MRPL45: variants seen among roughly 807,000 people sequenced by gnomAD.
MRPL45 encodes the protein mitochondrial ribosomal protein L45, also known as large ribosomal subunit protein mL45.
In MRPL45, 20 loss-of-function variants were observed where a neutral mutation model predicts 38.1. The ratio of observed to expected loss-of-function variants is 0.53; its 90% CI spans 0.37 to 0.76. The LOEUF is 0.76. Ranked by LOEUF, MRPL45 falls within the 30% of genes least tolerant of loss-of-function variation. The pLI is 0.00. For missense variants in MRPL45, 337 were observed against 395.6 expected (o/e 0.85, Z 1.26); for synonymous variants, 105 against 128.8 (o/e 0.82, Z 1.25).
At position 38,318,640 on chromosome 17, in the gene MRPL45, G is replaced by T. The variant is rs1182114206; in HGVS notation, c.462-47G>T. The T allele has an allele frequency of 3.7e-6, 5 of 1,360,448 alleles. No homozygotes were observed. The Admixed American group carries it at 5.1e-5, about 14-fold the overall frequency. The allele number at this position is 1,360,448 out of a possible 1,614,324, so 84.3% of individuals were successfully genotyped here. A position where few individuals can be genotyped will look rare whatever the true frequency, so the allele number is the denominator to read the frequency against. On this transcript the variant is annotated intron_variant, in intron 4 of 7. Coordinates refer to ENST00000613675, the MANE Select transcript of MRPL45 (RefSeq NM_032351.6). ...GGACCATTTTCAGTCTTCATACAGG[G>T]TATTATAAGAGCAATAGTCAATGAT...
At chr17:38,313,725 C>A (rs548983917) in intron 4 of MRPL45, among the ~76,000 whole-genome samples, 1 of 151,068 alleles carries the variant, frequency 6.6e-6, no homozygotes, top group African/African-American at 2.4e-5. Flanking sequence ...TGCAGTGGCA[C>A]GATCTCGGCT....
chr17:38,317,047 T>C (rs898368540), intron 4 of MRPL45, among the ~76,000 whole-genome samples: 2 of 152,136 alleles, frequency 1.3e-5, no homozygotes, highest in Non-Finnish European at 2.9e-5. Flanking sequence ...CTGCCCACCT[T>C]GGCCTCCCAA....
At chr17:38,310,670 G>C (rs1479969223) in intron 4 of MRPL45, among the ~76,000 whole-genome samples, 2 of 152,044 alleles carry the variant, frequency 1.3e-5, no homozygotes, top group African/African-American at 4.8e-5. Flanking sequence ...CTGTCACTCA[G>C]GCTAGAGTAC....
chr17:38,297,786 C>G (rs555388785), intron 1 of MRPL45, among the ~76,000 whole-genome samples: 3 of 152,264 alleles, frequency 2.0e-5, no homozygotes, highest in East Asian at 3.9e-4. Context: ...TACAAGAGGA[C>G]TTTGCTTATG....
chr17:38,315,120 A>G (rs1188856074), intron 4 of MRPL45, among the ~76,000 whole-genome samples: 1 of 152,244 alleles, frequency 6.6e-6, no homozygotes, highest in Non-Finnish European at 1.5e-5. Flanking sequence ...ACAGGCTTTT[A>G]TATTTATCTA....
At chr17:38,297,820 C>T (rs1447398672) in intron 1 of MRPL45, among the ~76,000 whole-genome samples, 2 of 152,180 alleles carry the variant, frequency 1.3e-5, no homozygotes, top group Non-Finnish European at 2.9e-5. Context: ...ATTCAGGGCC[C>T]GGCGCGGTGG....
chr17:38,306,486 T>C lies in MRPL45; in HGVS notation c.363-47T>C, dbSNP rs371999657. 31 of 1,491,748 alleles carry C rather than the reference T, an allele frequency of 2.1e-5. No individual in the cohort carries two copies. The East Asian group carries it at 4.3e-4, about 21-fold the overall frequency. 92.4% of individuals were successfully genotyped at this position (1,491,748 alleles called of 1,614,324 possible). ...GGAGGTCAGTGTAGGCTGTGAATTA[T>C]GGAATTGTAAGACCTTTAGAAGTAA... is the stretch of plus-strand genomic sequence containing the variant. On this transcript the variant is annotated intron_variant, in intron 3 of 7. Transcript: ENST00000613675.
Position 38,299,360 on chromosome 17 carries a change from T to G in MRPL45, c.254T>G (p.Phe85Cys). 1.3e-6 allele frequency: 2 copies of G among 1,593,866 alleles called. No homozygotes were observed. The highest frequency in any genetic ancestry group is 1.7e-6 in the Non-Finnish European group (2 of 1,175,412). The change falls in exon 3 of 8, where the codon TTT becomes TGT. Residue 85 changes from phenylalanine (F) to cysteine (C), a missense_variant. Around this residue, in one of 3 missense-constraint regions of MRPL45, gnomAD observed 60 missense variants for 109.6 expected, o/e 0.55. Coordinates refer to ENST00000613675, the MANE Select transcript of MRPL45 (RefSeq NM_032351.6). ...TCTTCCTTTATTACAGCTGGTATAT[T>G]TGATGCCTATGTTCCTCCTGAGGGT... ...SIHLACTAGI[F>C]DAYVPPEGDA...
chr17:38,317,594 C>T (rs1032357896), intron 4 of MRPL45, among the ~76,000 whole-genome samples: 5 of 151,398 alleles, frequency 3.3e-5, no homozygotes, highest in South Asian at 2.1e-4. Flanking sequence ...TTTTTTGAGA[C>T]GGAATCTCGC....
chr17:38,322,095 TAA>T, intron 6 of MRPL45, 29 bp from the exon 7 acceptor site: 1 of 1,599,838 alleles, frequency 6.3e-7, no homozygotes, highest in East Asian at 2.2e-5. Context: ...CCAAAAAAAC[TAA>T]GAGGCCAGAT....
intron 3 of MRPL45, among the ~76,000 whole-genome samples, chr17:38,301,307 T>C (rs1226708369): frequency 2.0e-5 from 3 of 152,104 alleles, no homozygotes; most frequent in African/African-American, 4.8e-5. Context: ...AGTGGTGCAA[T>C]CTCGGCTCAC....
intron 4 of MRPL45, among the ~76,000 whole-genome samples, chr17:38,316,349 G>T (rs931839159): frequency 6.6e-5 from 10 of 151,950 alleles, no homozygotes; most frequent in Non-Finnish European, 1.5e-4. Flanking sequence ...TTTCTGTTTG[G>T]TTCCCTTGTA....
intron 4 of MRPL45, among the ~76,000 whole-genome samples, chr17:38,311,851 A>G (rs1261288551): frequency 6.6e-6 from 1 of 152,058 alleles, no homozygotes; most frequent in Non-Finnish European, 1.5e-5. Context: ...TGAGAAATAA[A>G]TGTTGTTTAT....
chr17:38,312,434 T>C (rs1227884728), intron 4 of MRPL45, among the ~76,000 whole-genome samples: 1 of 152,202 alleles, frequency 6.6e-6, no homozygotes, highest in Admixed American at 6.6e-5. Context: ...TGATGGACAT[T>C]CAGGTTGTTT....
intron 4 of MRPL45, among the ~76,000 whole-genome samples, chr17:38,316,750 A>C (rs931719994): frequency 6.8e-6 from 1 of 146,954 alleles, no homozygotes; most frequent in African/African-American, 2.7e-5. Context: ...AAAAAAAAAA[A>C]AAAAAAAAAA....
chr17:38,315,277 G>T (rs1296746126), intron 4 of MRPL45, among the ~76,000 whole-genome samples: 1 of 152,060 alleles, frequency 6.6e-6, no homozygotes, highest in Non-Finnish European at 1.5e-5. Flanking sequence ...TAAAGTCAGG[G>T]TCTCACTTTT....
At chr17:38,318,910 C>T (rs925497563) in intron 5 of MRPL45, among the ~76,000 whole-genome samples, 175 bp downstream of exon 5, 2 of 150,998 alleles carry the variant, frequency 1.3e-5, no homozygotes, top group African/African-American at 4.9e-5. Flanking sequence ...TCACCGCAAC[C>T]TCCACCTCCC....
At chr17:38,308,150 T>C (rs2037072953) in intron 4 of MRPL45, among the ~76,000 whole-genome samples, 1 of 152,084 alleles carries the variant, frequency 6.6e-6, no homozygotes, top group African/African-American at 2.4e-5. Flanking sequence ...TTTTTCCCCC[T>C]TTTTGAGACG....
At chr17:38,302,510 GT>G (rs1297657775) in intron 3 of MRPL45, among the ~76,000 whole-genome samples, 5,752 of 101,074 alleles carry the variant, frequency 0.057, 535 homozygotes, top group African/African-American at 0.24. Context: ...AAAAAAGTTT[GT>G]TTTTTTTTTT....
Sources: allele counts gnomAD v4.1 joint callset (sites outside exome capture counted in the v4.1 genomes callset), GRCh38; gene constraint gnomAD v4.1.1; regional missense constraint gnomAD v4.1.1; transcripts MANE v1.5; gene names NCBI Gene and HGNC (gene_info 2026-07-23, HGNC 2026-07-21).